Variants in PCDH15 observed in about 807,000 individuals in gnomAD.
The protein encoded by PCDH15 is protocadherin related 15.
Under a neutral mutation model 178.5 loss-of-function variants are expected in PCDH15, and 129 were observed. That is an observed-to-expected ratio of 0.72 (90% confidence interval 0.63 to 0.84). PCDH15 has a LOEUF of 0.84. PCDH15 is among the 40% of genes least tolerant of loss of function. The pLI is 0.00. For missense variants in PCDH15, 2,230 were observed against 2,099.9 expected (o/e 1.06, Z -1.21); for synonymous variants, 800 against 732.0 (o/e 1.09, Z -1.50).
At chr10:55,035,509 C>A (rs1399572149) in intron 2 of PCDH15, among the ~76,000 whole-genome samples, 1 of 152,206 alleles carries the variant, frequency 6.6e-6, no homozygotes, top group South Asian at 2.1e-4. Context: ...TTGTTCCCTC[C>A]AATATGTTCA....
At chr10:54,147,892 G>A (rs2044147679) in intron 14 of PCDH15, among the ~76,000 whole-genome samples, 1 of 151,934 alleles carries the variant, frequency 6.6e-6, no homozygotes, top group Non-Finnish European at 1.5e-5. Flanking sequence ...TTCAAGTTAT[G>A]GTCCTACTAC....
chr10:54,132,253 T>A lies in PCDH15; in HGVS notation c.1917+622A>T, dbSNP rs113726663. ...AGATAGAGCTTTTCCTGGCCAAAGA[T>A]ACTTTGGTCAGAAATATATAAACAG... is the stretch of plus-strand genomic sequence containing the variant. On this transcript the variant is annotated intron_variant, in intron 15 of 37. Coordinates refer to ENST00000644397, the MANE Select transcript of PCDH15 (RefSeq NM_001384140.1). 6.1e-3 allele frequency among the ~76,000 whole-genome samples: 931 copies of A among 152,294 alleles called. 6 individuals carry two copies. Among genetic ancestry groups the A allele is most frequent in the African/African-American group, 0.021 (862 of 41,568 alleles).
intron 1 of PCDH15, among the ~76,000 whole-genome samples, chr10:54,706,244 T>C (rs2095363625): frequency 6.6e-6 from 1 of 152,222 alleles, no homozygotes; most frequent in African/African-American, 2.4e-5. Context: ...ATCTTTAATA[T>C]AGAAAACAAA....
At chr10:55,441,081 G>A (rs1296486792) in intron 2 of PCDH15, among the ~76,000 whole-genome samples, 1 of 152,082 alleles carries the variant, frequency 6.6e-6, no homozygotes, top group African/African-American at 2.4e-5. Flanking sequence ...AACCATATCA[G>A]GGCATAAAAC....
At chr10:54,782,967 T>A (rs913239075) in intron 1 of PCDH15, among the ~76,000 whole-genome samples, 2 of 151,854 alleles carry the variant, frequency 1.3e-5, no homozygotes, top group African/African-American at 4.8e-5. Context: ...CTAGGACACA[T>A]CTACAGGAAA....
chr10:55,273,705 G>C (rs180817770), intron 1 of PCDH15, among the ~76,000 whole-genome samples: 7 of 152,026 alleles, frequency 4.6e-5, no homozygotes. Flanking sequence ...TTATATATCA[G>C]TCACCCAAAT....
intron 2 of PCDH15, among the ~76,000 whole-genome samples, chr10:55,423,880 A>T (rs1439120266): frequency 6.6e-6 from 1 of 152,108 alleles, no homozygotes; most frequent in Non-Finnish European, 1.5e-5. Flanking sequence ...GTAAGTTTTT[A>T]AATATAAAAG....
chr10:54,356,897 C>T (rs1008720947), intron 5 of PCDH15, among the ~76,000 whole-genome samples: 2 of 151,976 alleles, frequency 1.3e-5, no homozygotes, highest in African/African-American at 4.8e-5. Flanking sequence ...TAAACAGAAC[C>T]AAAGACAAAC....
chr10:53,985,461 G>A lies in PCDH15; in HGVS notation c.2868+10188C>T, dbSNP rs78165556. Among the ~76,000 whole-genome samples, 611 of 152,240 alleles carry A rather than the reference G, an allele frequency of 4.0e-3. 6 individuals are homozygous for A. Among genetic ancestry groups the A allele is most frequent in the African/African-American group, 0.014 (574 of 41,540 alleles). Reference sequence around the variant, plus strand: ...TGCTTTTAAATTATTTGACTCTGTAGTAAAGATGGCTTGAGGTTGGAGAGA... The same window carrying A: ...TGCTTTTAAATTATTTGACTCTGTAATAAAGATGGCTTGAGGTTGGAGAGA... On this transcript the variant is annotated intron_variant, in intron 21 of 37. Coordinates refer to ENST00000644397, the MANE Select transcript of PCDH15 (RefSeq NM_001384140.1).
chr10:55,361,752 C>A lies in PCDH15; in HGVS notation c.-155-195101G>T, dbSNP rs117643995. On this transcript the variant is annotated intron_variant, in intron 2 of 5. Coordinates refer to the PCDH15 transcript ENST00000613346. ...AGTTTTTACTGTCATTTATTTATAT[C>A]TTTTATCTTTCAAGCCTTACTATCA... 3.5e-3 allele frequency among the ~76,000 whole-genome samples: 539 copies of A among 152,038 alleles called. 8 individuals are homozygous for A. The highest frequency in any genetic ancestry group is 0.031 in the East Asian group (161 of 5,170).
chr10:55,205,390 T>C (rs938417171), intron 1 of PCDH15, among the ~76,000 whole-genome samples: 1 of 151,932 alleles, frequency 6.6e-6, no homozygotes, highest in Non-Finnish European at 1.5e-5. Flanking sequence ...ATAACAATGA[T>C]AGCAACATAT....
At chr10:54,163,663 T>A (rs1329905903) in intron 13 of PCDH15, among the ~76,000 whole-genome samples, 7 of 152,084 alleles carry the variant, frequency 4.6e-5, no homozygotes, top group Non-Finnish European at 2.9e-5. Flanking sequence ...CTAAGAGGGA[T>A]TTGAAGTTCA....
At chr10:54,130,182 C>T (rs1038345392) in intron 15 of PCDH15, among the ~76,000 whole-genome samples, 1 of 151,970 alleles carries the variant, frequency 6.6e-6, no homozygotes, top group Non-Finnish European at 1.5e-5. Context: ...TGTAAATACT[C>T]GAGGAAATTA....
chr10:54,854,583 C>T (rs1953703322), intron 3 of PCDH15, among the ~76,000 whole-genome samples: 1 of 152,028 alleles, frequency 6.6e-6, no homozygotes, highest in Admixed American at 6.6e-5. Context: ...GAGTGGAGAC[C>T]CTGGAGTGGA....
chr10:54,104,280 C>G (rs1363862445), intron 15 of PCDH15, among the ~76,000 whole-genome samples: 2 of 152,072 alleles, frequency 1.3e-5, no homozygotes, highest in Non-Finnish European at 2.9e-5. Context: ...GCTCAGTGTC[C>G]CCAGCCTTAT....
At chr10:54,262,828 T>C (rs1975404) in intron 8 of PCDH15, among the ~76,000 whole-genome samples, 100,059 of 151,972 alleles carry the variant, frequency 0.66, 34,234 homozygotes, top group Middle Eastern at 0.76. Context: ...ATGCCTGGAG[T>C]AGCTCAACAA....
chr10:55,308,171 T>G (rs1464799527), intron 1 of PCDH15, among the ~76,000 whole-genome samples: 2 of 152,166 alleles, frequency 1.3e-5, no homozygotes, highest in African/African-American at 4.8e-5. Flanking sequence ...ACCTAATTAA[T>G]CTGATTAAAT....
At chr10:55,068,276 T>C (rs986928710) in intron 2 of PCDH15, among the ~76,000 whole-genome samples, 1 of 152,072 alleles carries the variant, frequency 6.6e-6, no homozygotes, top group Non-Finnish European at 1.5e-5. Context: ...TTTATTTTTG[T>C]ATATGATGGG....
intron 6 of PCDH15, among the ~76,000 whole-genome samples, chr10:54,344,904 C>CCAAAAAAAAAAAAAAAAAAA (rs58908008): frequency 7.6e-5 from 6 of 78,888 alleles, no homozygotes; most frequent in Non-Finnish European, 9.3e-5. Flanking sequence ...AGAAACAAAG[C>CCAAAAAAAAAAAAAAAAAAA]AAAAAAAAAA....
Sources: gnomAD v4.1 joint callset for allele counts (sites outside exome capture counted in the v4.1 genomes callset) on GRCh38, gnomAD v4.1.1 for gene constraint, MANE v1.5 for transcripts, NCBI Gene and HGNC (gene_info 2026-07-23, HGNC 2026-07-21) for gene names.